The following SCARA3 variants were observed in gnomAD, a reference collection of about 807,000 sequenced individuals.
SCARA3 encodes the protein cellular stress response gene protein.
A neutral mutation model predicts 47.0 loss-of-function variants in SCARA3; 39 were observed. The observed-to-expected ratio is 0.83, with a 90% CI of 0.64 to 1.08. The LOEUF is 1.08. Ranked by LOEUF, SCARA3 falls within the 50% of genes least tolerant of loss-of-function variation. The pLI is 0.00. For missense variants in SCARA3, 724 were observed against 792.3 expected (o/e 0.91, Z 1.04); for synonymous variants, 356 against 334.1 (o/e 1.07, Z -0.71).
chr8:27,677,625 C>T (rs74451160), downstream of SCARA3, among the ~76,000 whole-genome samples: 4 of 152,200 alleles, frequency 2.6e-5, no homozygotes, highest in Admixed American at 6.5e-5. Context: ...GCATCTCTCT[C>T]TCAATAATTG....
downstream of SCARA3, chr8:27,679,868 C>G (rs371371411): frequency 6.6e-6 from 1 of 152,036 alleles, no homozygotes; most frequent in Non-Finnish European, 1.5e-5. Context: ...AATATTGGAA[C>G]GATACAGAGA....
chr8:27,655,852 T>C (rs145924191), intron 3 of SCARA3, among the ~76,000 whole-genome samples: 1 of 152,268 alleles, frequency 6.6e-6, no homozygotes, highest in East Asian at 1.9e-4. Context: ...GATGGAAAAA[T>C]GTCCGTGACA....
Position 27,671,852 on chromosome 8 carries a change from G to A in SCARA3, c.*501G>A, listed in dbSNP as rs1029713281. 3.0e-6 allele frequency: 3 copies of A among 985,428 alleles called. No homozygotes were observed. Among genetic ancestry groups the A allele is most frequent in the African/African-American group, 3.5e-5 (2 of 57,222 alleles). 61.0% of individuals were successfully genotyped at this position (985,428 alleles called of 1,614,324 possible). A position where few individuals can be genotyped will look rare whatever the true frequency, so the allele number is the denominator to read the frequency against. On this transcript the variant is annotated 3_prime_UTR_variant, in exon 6 of 6. Transcript: ENST00000301904. ...ATACACAGATTTTTCTGCTGGCCAG[G>A]TGGGCCAACTGGGTTTCCCTGGCTG...
chr8:27,720,234 G>GGATATGTGTATGGGGGGAGGGGGTTAGT, the SCARA3 span, among the ~76,000 whole-genome samples: 1 of 152,052 alleles, frequency 6.6e-6, no homozygotes, highest in South Asian at 2.1e-4. Flanking sequence ...GAGCAAGTCT[G>GGATATGTGTATGGGGGGAGGGGGTTAGT]AGTGGCGAGG....
the SCARA3 span, among the ~76,000 whole-genome samples, chr8:27,717,440 T>A: frequency 6.6e-6 from 1 of 152,220 alleles, no homozygotes; most frequent in African/African-American, 2.4e-5. Flanking sequence ...GACTTCTCAA[T>A]GTACGTCTTT....
In SCARA3 at chr8:27,672,647, C is replaced by A; in HGVS notation, c.*1296C>A. 1.0e-6 allele frequency: 1 copy of A among 985,508 alleles called. No individual in the cohort carries two copies. Among genetic ancestry groups the A allele is most frequent in the African/African-American group, 1.7e-5 (1 of 57,360 alleles). The allele number at this position is 985,508 out of a possible 1,614,324, so 61.0% of individuals were successfully genotyped here. On this transcript the variant is annotated 3_prime_UTR_variant, in exon 6 of 6. Transcript: ENST00000301904. Reference sequence around the variant, plus strand: ...GAAGGGCCTGGACACTCACAGAGGCCCCCTCTGTCATCACTCCTTGGCACC... The same window carrying A: ...GAAGGGCCTGGACACTCACAGAGGCACCCTCTGTCATCACTCCTTGGCACC...
chr8:27,649,576 C>T (rs556623), intron 1 of SCARA3, 126 bp from the exon 2 acceptor site: 194,102 of 862,174 alleles, frequency 0.23, 23,638 homozygotes, highest in Middle Eastern at 0.32. Flanking sequence ...TACATCAGGC[C>T]ACCTGGAGCT....
chr8:27,706,352 C>T, the SCARA3 span, among the ~76,000 whole-genome samples: 4 of 152,068 alleles, frequency 2.6e-5, no homozygotes, highest in African/African-American at 7.2e-5. Flanking sequence ...GGGTTTTCGC[C>T]GTGTTGGCCA....
At chr8:27,705,896 G>C in the SCARA3 span, among the ~76,000 whole-genome samples, 10 of 152,170 alleles carry the variant, frequency 6.6e-5, no homozygotes, top group Admixed American at 1.3e-4. Flanking sequence ...AGGAGTTCTT[G>C]CAAAAAGAAA....
chr8:27,705,032 A>G, the SCARA3 span, among the ~76,000 whole-genome samples: 1 of 152,160 alleles, frequency 6.6e-6, no homozygotes, highest in African/African-American at 2.4e-5. Flanking sequence ...AATTTGGCCA[A>G]AACGGAACTC....
At chr8:27,708,595 C>T in the SCARA3 span, among the ~76,000 whole-genome samples, 6 of 150,570 alleles carry the variant, frequency 4.0e-5, no homozygotes, top group Admixed American at 4.0e-4. Context: ...AGATAACTAC[C>T]AAAAGAAAGG....
intron 1 of SCARA3, among the ~76,000 whole-genome samples, chr8:27,643,292 G>A (rs1801422282): frequency 1.3e-5 from 2 of 152,224 alleles, no homozygotes; most frequent in Non-Finnish European, 2.9e-5. Context: ...GGCAGCCAAA[G>A]GGATTCAGGT....
intron 2 of SCARA3, 145 bp downstream of exon 2, chr8:27,649,945 G>A: frequency 1.5e-6 from 1 of 680,358 alleles, no homozygotes; most frequent in East Asian, 2.7e-5. Flanking sequence ...TGGTGAAAGG[G>A]CAGAGTTCAC....
downstream of SCARA3, chr8:27,676,764 A>G: frequency 2.0e-6 from 1 of 508,982 alleles, no homozygotes; most frequent in Non-Finnish European, 3.5e-6. Context: ...ATTTACCTAT[A>G]TTAGGAAGAT....
At chr8:27,708,073 T>C in the SCARA3 span, among the ~76,000 whole-genome samples, 1 of 152,168 alleles carries the variant, frequency 6.6e-6, no homozygotes, top group East Asian at 1.9e-4. Flanking sequence ...AAAAGTCATA[T>C]ATTCCAGGAA....
Position 27,671,304 on chromosome 8 carries a change from G to A in SCARA3, c.1774G>A (p.Gly592Ser). The change falls in exon 6 of 6, where the codon GGT becomes AGT. Residue 592 changes from glycine to serine, a missense_variant. Transcript: ENST00000301904. ...TGAACCAGGGATCCAGGGTCCCCCT[G>A]GTCTCCCGGGGCCTCCAGGTCCACC... ...KGEPGIQGPP[G>S]LPGPPGPPGS... 2 of 1,435,296 alleles carry A rather than the reference G, an allele frequency of 1.4e-6. No homozygotes were observed. Among genetic ancestry groups the A allele is most frequent in the Non-Finnish European group, 1.8e-6 (2 of 1,093,938 alleles). 88.9% of individuals were successfully genotyped at this position (1,435,296 alleles called of 1,614,324 possible). A position where few individuals can be genotyped will look rare whatever the true frequency, so the allele number is the denominator to read the frequency against.
chr8:27,670,318 C>G (rs1178820232), intron 5 of SCARA3, among the ~76,000 whole-genome samples: 1 of 152,200 alleles, frequency 6.6e-6, no homozygotes, highest in Non-Finnish European at 1.5e-5. Context: ...GGTGACTTCT[C>G]TTTGTATGTG....
the SCARA3 span, among the ~76,000 whole-genome samples, chr8:27,712,864 GT>G: frequency 6.6e-6 from 1 of 151,128 alleles, no homozygotes; most frequent in African/African-American, 2.4e-5. Flanking sequence ...CTATTTTTTA[GT>G]TTTGAAAAAA....
chr8:27,732,616 A>G, the SCARA3 span, among the ~76,000 whole-genome samples: 1 of 152,230 alleles, frequency 6.6e-6, no homozygotes, highest in Non-Finnish European at 1.5e-5. Flanking sequence ...TAGTATATAC[A>G]CACATCTCTA....
Sources: gnomAD v4.1 joint callset for allele counts (sites outside exome capture counted in the v4.1 genomes callset) on GRCh38, gnomAD v4.1.1 for gene constraint, MANE v1.5 for transcripts, NCBI Gene and HGNC (gene_info 2026-07-23, HGNC 2026-07-21) for gene names.